TANGO6: variants seen among roughly 807,000 people sequenced by gnomAD.
TANGO6 encodes transport and golgi organization 6 homolog.
TANGO6 carries 90 observed loss-of-function variants against 114.2 expected under a neutral mutation model. That is an observed-to-expected ratio of 0.79 (90% confidence interval 0.66 to 0.94). The LOEUF is 0.94. Ranked by LOEUF, TANGO6 falls within the 40% of genes least tolerant of loss-of-function variation. TANGO6 has a pLI of 0.00. For synonymous variants in TANGO6, 477 were observed against 509.8 expected (o/e 0.94, Z 0.87); for missense variants, 1,274 against 1,315.3 (o/e 0.97, Z 0.49).
At chr16:68,953,050 T>TTATTATTATTA (rs1555525238) in intron 14 of TANGO6, among the ~76,000 whole-genome samples, 17 of 139,208 alleles carry the variant, frequency 1.2e-4, no homozygotes, top group East Asian at 2.1e-4. Flanking sequence ...ACAGGTATTT[T>TTATTATTATTA]TTATTATTAT....
At chr16:69,031,088 A>T (rs1325289155) in intron 16 of TANGO6, among the ~76,000 whole-genome samples, 3 of 152,022 alleles carry the variant, frequency 2.0e-5, no homozygotes, top group East Asian at 1.9e-4. Flanking sequence ...TTAAAAATTT[A>T]AAAATTTTTT....
intron 17 of TANGO6, among the ~76,000 whole-genome samples, chr16:69,063,519 C>T (rs1273022814): frequency 1.3e-5 from 2 of 149,272 alleles, no homozygotes; most frequent in South Asian, 2.1e-4. Flanking sequence ...AGCGAGACCC[C>T]GTCTCAAAAA....
At chr16:68,893,195 A>G (rs888732487) in intron 7 of TANGO6, among the ~76,000 whole-genome samples, 5 of 152,162 alleles carry the variant, frequency 3.3e-5, no homozygotes, top group African/African-American at 1.2e-4. Context: ...GAATGAAGGA[A>G]ATGAGCAAAC....
At chr16:68,913,215 A>C (rs1247225077) in intron 11 of TANGO6, among the ~76,000 whole-genome samples, 1 of 151,642 alleles carries the variant, frequency 6.6e-6, no homozygotes, top group Non-Finnish European at 1.5e-5. Flanking sequence ...ACAGGCATGC[A>C]CCACCATGCC....
At chr16:68,953,968 A>G (rs1445807040) in intron 14 of TANGO6, among the ~76,000 whole-genome samples, 1 of 152,152 alleles carries the variant, frequency 6.6e-6, no homozygotes, top group East Asian at 1.9e-4. Context: ...GACCAGGCAC[A>G]GTGGCTCATG....
At chr16:69,047,675 G>C (rs1221891068) in intron 17 of TANGO6, among the ~76,000 whole-genome samples, 1 of 152,138 alleles carries the variant, frequency 6.6e-6, no homozygotes, top group African/African-American at 2.4e-5. Flanking sequence ...TTAAAAAAAT[G>C]AGTGATTGGG....
chr16:69,026,874 A>AT (rs1959510386), intron 16 of TANGO6, among the ~76,000 whole-genome samples: 1 of 151,224 alleles, frequency 6.6e-6, no homozygotes, highest in Non-Finnish European at 1.5e-5. Context: ...TCTTTTTTTT[A>AT]TTTTTTGAGA....
In TANGO6 at chr16:69,022,881, G is replaced by C. The variant is rs773273492; in HGVS notation, c.2896G>C (p.Val966Leu). ...TTTGATCCATACCTTCCTGAGGGGA[G>C]TGAGAGATCCTGATGGTGCTCACAG... ...EPLIHTFLRG[V>L]RDPDGAHRAS... is the part of the protein sequence containing the mutation. Residue 966 changes from valine to leucine, a missense_variant, in exon 16 of 18, where the codon GTG becomes CTG. By Grantham distance (32) the Val-to-Leu change is conservative (BLOSUM62 1). This residue lies in a region of TANGO6 where 238 missense variants were observed against 252.9 expected (regional missense o/e 0.94). Transcript: ENST00000261778. The C allele has an allele frequency of 1.9e-6, 3 of 1,595,694 alleles. No homozygotes were observed.
At chr16:68,855,471 A>G (rs1176427474) in intron 1 of TANGO6, among the ~76,000 whole-genome samples, 4 of 151,708 alleles carry the variant, frequency 2.6e-5, no homozygotes, top group Non-Finnish European at 5.9e-5. Flanking sequence ...AGTCCCAGCT[A>G]CTGGGGAGGC....
chr16:69,027,533 G>GTATTATTAA (rs1959522613), intron 16 of TANGO6, among the ~76,000 whole-genome samples: 1 of 151,976 alleles, frequency 6.6e-6, no homozygotes. Context: ...TCCTGTTTTA[G>GTATTATTAA]ATGGATTTAG....
chr16:69,063,524 C>CAA (rs1005170077), intron 17 of TANGO6, among the ~76,000 whole-genome samples: 3 of 126,056 alleles, frequency 2.4e-5, no homozygotes, highest in African/African-American at 8.8e-5. Flanking sequence ...GACCCCGTCT[C>CAA]AAAAAAAAAA....
chr16:69,069,086 T>C (rs12325454), intron 17 of TANGO6, among the ~76,000 whole-genome samples: 29,896 of 152,106 alleles, frequency 0.2, 3,565 homozygotes, highest in African/African-American at 0.33. Context: ...TCCCATTTTA[T>C]AGACGAGATC....
intron 17 of TANGO6, among the ~76,000 whole-genome samples, chr16:69,061,220 A>C (rs1960110947): frequency 6.6e-6 from 1 of 152,116 alleles, no homozygotes; most frequent in Admixed American, 6.6e-5. Context: ...GTCCTGAGGC[A>C]GAGTGACAGA....
At chr16:69,019,843 T>A (rs1959370188) in intron 15 of TANGO6, among the ~76,000 whole-genome samples, 1 of 152,204 alleles carries the variant, frequency 6.6e-6, no homozygotes, top group Non-Finnish European at 1.5e-5. Context: ...CAGCCTACTT[T>A]GGGCTTCTTA....
At chr16:69,023,750 C>T (rs140972079) in intron 16 of TANGO6, among the ~76,000 whole-genome samples, 45 of 151,978 alleles carry the variant, frequency 3.0e-4, no homozygotes, top group African/African-American at 8.4e-4. Flanking sequence ...CAAAAAAAAA[C>T]GCTTAAGTTC....
chr16:69,019,546 C>T (rs1470629462), intron 15 of TANGO6, among the ~76,000 whole-genome samples: 2 of 152,238 alleles, frequency 1.3e-5, no homozygotes, highest in Admixed American at 6.5e-5. Flanking sequence ...CTTCTTCGTC[C>T]TCTTCCTTCC....
chr16:69,059,612 C>G (rs569679841), intron 17 of TANGO6, among the ~76,000 whole-genome samples: 45 of 152,016 alleles, frequency 3.0e-4, no homozygotes, highest in Non-Finnish European at 4.6e-4. Flanking sequence ...CTCTGCCTCC[C>G]GGGTTCAAAT....
At position 68,960,324 on chromosome 16, in the gene TANGO6, C is replaced by T. The variant is rs115531072; in HGVS notation, c.2702-13704C>T. On this transcript the variant is annotated intron_variant, in intron 14 of 17. Transcript: ENST00000261778. ...TTTTTTTTTTTTTTTTCTGTACGTACTCCAGAACCTTGATCATCATGGTGT... is the reference window on the plus strand; with the variant it reads ...TTTTTTTTTTTTTTTTCTGTACGTATTCCAGAACCTTGATCATCATGGTGT... Among the ~76,000 whole-genome samples the T allele has an allele frequency of 4.3e-3, 604 of 140,398 alleles. 4 individuals are homozygous for T. Among genetic ancestry groups the T allele is most frequent in the African/African-American group, 0.015 (580 of 38,044 alleles). The allele number at this position is 140,398 out of a possible 152,430, so 92.1% of individuals were successfully genotyped here. A position where few individuals can be genotyped will look rare whatever the true frequency, so the allele number is the denominator to read the frequency against.
intron 7 of TANGO6, among the ~76,000 whole-genome samples, chr16:68,891,063 G>T (rs1056619429): frequency 6.7e-6 from 1 of 148,246 alleles, no homozygotes; most frequent in Non-Finnish European, 1.5e-5. Flanking sequence ...AGGCCGAGGT[G>T]GGGGGATCGC....
Sources: gnomAD v4.1 joint callset for allele counts (sites outside exome capture counted in the v4.1 genomes callset) on GRCh38, gnomAD v4.1.1 for gene constraint, gnomAD v4.1.1 regional missense constraint, MANE v1.5 for transcripts, NCBI Gene and HGNC (gene_info 2026-07-23, HGNC 2026-07-21) for gene names.